Variants in DIS3L2 observed in about 807,000 individuals in gnomAD.
DIS3L2 encodes the protein DIS3-like exonuclease 2.
A neutral mutation model predicts 97.5 loss-of-function variants in DIS3L2; 34 were observed. The observed-to-expected ratio is 0.35, with a 90% CI of 0.27 to 0.46. DIS3L2 has a LOEUF of 0.46. Among genes scored for constraint, DIS3L2 ranks in the 20% least tolerant of loss-of-function variants. The pLI is 1.00. For missense variants in DIS3L2, 1,038 were observed against 1,146.0 expected (o/e 0.91, Z 1.36); for synonymous variants, 435 against 445.2 (o/e 0.98, Z 0.29).
chr2:231,965,143 A>G (rs927582559), intron 1 of DIS3L2, among the ~76,000 whole-genome samples: 1 of 152,272 alleles, frequency 6.6e-6, no homozygotes, highest in East Asian at 1.9e-4. Flanking sequence ...TGCCACTTAG[A>G]GTTTCTTTGC....
Position 232,337,138 on chromosome 2 carries a change from G to C in DIS3L2, c.*508G>C. 3 of 1,009,956 alleles carry C rather than the reference G, an allele frequency of 3.0e-6. No homozygotes were observed. Among genetic ancestry groups the C allele is most frequent in the Non-Finnish European group, 3.5e-6 (3 of 847,200 alleles). The allele number at this position is 1,009,956 out of a possible 1,614,324, so 62.6% of individuals were successfully genotyped here. On this transcript the variant is annotated 3_prime_UTR_variant, in exon 21 of 21. Transcript: ENST00000325385. The stretch of plus-strand genomic sequence containing the variant: ...ACGATTCAGAGCTGGCTGCCTGGCA[G>C]ATGATTGATACTGGAGTCTCATTCT...
At chr2:232,066,607 C>T (rs1695862709) in intron 5 of DIS3L2, among the ~76,000 whole-genome samples, 1 of 151,988 alleles carries the variant, frequency 6.6e-6, no homozygotes, top group South Asian at 2.1e-4. Flanking sequence ...AATGTTTCCT[C>T]TTCCCCTATA....
intron 12 of DIS3L2, among the ~76,000 whole-genome samples, chr2:232,258,081 T>G (rs1693613489): frequency 6.6e-6 from 1 of 152,214 alleles, no homozygotes; most frequent in Admixed American, 6.5e-5. Context: ...TTAGACTACT[T>G]CCGGTCTTAC....
chr2:232,235,548 C>T (rs1171252086), intron 10 of DIS3L2, among the ~76,000 whole-genome samples: 1 of 152,116 alleles, frequency 6.6e-6, no homozygotes, highest in East Asian at 1.9e-4. Context: ...TTTTGATTGG[C>T]CTTCTTCATA....
At chr2:232,181,242 A>G (rs1042828740) in intron 9 of DIS3L2, among the ~76,000 whole-genome samples, 1 of 151,312 alleles carries the variant, frequency 6.6e-6, no homozygotes, top group Non-Finnish European at 1.5e-5. Context: ...GCTGCCCTTA[A>G]CATTTTTTCC....
chr2:232,186,809 ATTAAT>A lies in DIS3L2; in HGVS notation c.1124+23182_1124+23186del, dbSNP rs1691449899. On this transcript the variant is annotated intron_variant, in intron 9 of 20. Transcript: ENST00000325385. ...ACCAATTAATGTATCATGTGTACAA[ATTAAT>A]TTAAAGTGGATCGTAGACCTGAATG... is the stretch of plus-strand genomic sequence containing the variant. Among the ~76,000 whole-genome samples the A allele has an allele frequency of 2.0e-5, 3 of 152,250 alleles. No individual in the cohort carries two copies. In the South Asian group the frequency reaches 6.2e-4, roughly 31 times the overall value.
At chr2:232,124,008 C>A (rs572329921) in intron 6 of DIS3L2, among the ~76,000 whole-genome samples, 1 of 152,292 alleles carries the variant, frequency 6.6e-6, no homozygotes, top group South Asian at 2.1e-4. Context: ...GTTTCTTCAA[C>A]CTAGGCCTCA....
At chr2:232,310,501 G>A (rs933671490) in intron 14 of DIS3L2, among the ~76,000 whole-genome samples, 7 of 152,238 alleles carry the variant, frequency 4.6e-5, no homozygotes, top group African/African-American at 1.7e-4. Flanking sequence ...AGGGATGGCC[G>A]TGGCTCTCTA....
chr2:232,289,114 C>T (rs1694528381), intron 13 of DIS3L2, among the ~76,000 whole-genome samples: 1 of 151,960 alleles, frequency 6.6e-6, no homozygotes, highest in Non-Finnish European at 1.5e-5. Context: ...CAAACCCCAT[C>T]GAACATTGAG....
At chr2:232,143,125 C>T (rs1346941167) in intron 8 of DIS3L2, among the ~76,000 whole-genome samples, 1 of 152,112 alleles carries the variant, frequency 6.6e-6, no homozygotes, top group Non-Finnish European at 1.5e-5. Flanking sequence ...TTCCTGTTTT[C>T]TTTAAGGCAA....
At chr2:232,097,139 C>T (rs577991771) in intron 6 of DIS3L2, among the ~76,000 whole-genome samples, 2 of 152,228 alleles carry the variant, frequency 1.3e-5, no homozygotes, top group South Asian at 4.1e-4. Context: ...TACCACAAGC[C>T]CAGTAACACT....
At chr2:232,072,132 G>A (rs1696037399) in intron 5 of DIS3L2, among the ~76,000 whole-genome samples, 1 of 152,130 alleles carries the variant, frequency 6.6e-6, no homozygotes, top group Admixed American at 6.6e-5. Context: ...TGAGGGGAAG[G>A]ACCAGAGTGC....
Position 232,008,189 on chromosome 2 carries a change from CT to C in DIS3L2, c.-93-6628del, listed in dbSNP as rs35011144. Among the ~76,000 whole-genome samples, 862 of 127,718 alleles carry C rather than the reference CT, an allele frequency of 6.7e-3. 6 individuals are homozygous for C. The highest frequency in any genetic ancestry group is 0.012 in the Middle Eastern group (3 of 248). The allele number at this position is 127,718 out of a possible 152,430, so 83.8% of individuals were successfully genotyped here. A position where few individuals can be genotyped will look rare whatever the true frequency, so the allele number is the denominator to read the frequency against. On this transcript the variant is annotated intron_variant, in intron 1 of 20. Coordinates refer to ENST00000325385, the MANE Select transcript of DIS3L2 (RefSeq NM_152383.5). Reference sequence around the variant, plus strand: ...CACCATGTCCATCTAATTTTTTGTACTTTTTTTTTTTTTTTTTTAATAGGGT... The same window carrying C: ...CACCATGTCCATCTAATTTTTTGTACTTTTTTTTTTTTTTTTTAATAGGGT...
chr2:232,165,099 G>A (rs925665133), intron 9 of DIS3L2, among the ~76,000 whole-genome samples: 1 of 152,162 alleles, frequency 6.6e-6, no homozygotes, highest in Non-Finnish European at 1.5e-5. Flanking sequence ...GTACAAGAAT[G>A]TTCATTGCTG....
intron 5 of DIS3L2, among the ~76,000 whole-genome samples, chr2:232,051,429 T>C (rs1266124231): frequency 6.6e-6 from 1 of 152,180 alleles, no homozygotes; most frequent in Non-Finnish European, 1.5e-5. Context: ...TTGTTTATTG[T>C]GATGTAAACT....
chr2:232,296,563 T>G (rs1416627004), intron 13 of DIS3L2, among the ~76,000 whole-genome samples: 2 of 152,188 alleles, frequency 1.3e-5, no homozygotes, highest in Admixed American at 1.3e-4. Flanking sequence ...TGTGCTGTTC[T>G]CGTGGTAGTG....
rs533304575 is a variant in DIS3L2, at chr2:232,148,196, C to T, written c.950+11477C>T. Among the ~76,000 whole-genome samples the T allele has an allele frequency of 3.9e-3, 591 of 152,022 alleles. 3 individuals carry two copies. Among genetic ancestry groups the T allele is most frequent in the African/African-American group, 0.013 (557 of 41,488 alleles). ...TCCCAAGTAACTGAGATTACAGGTGCGCACCATCATGCCCAGCAATTTTTA... is the reference window on the plus strand; with the variant it reads ...TCCCAAGTAACTGAGATTACAGGTGTGCACCATCATGCCCAGCAATTTTTA... On this transcript the variant is annotated intron_variant, in intron 8 of 20. Transcript: ENST00000325385.
At chr2:232,165,065 T>G (rs1276562084) in intron 9 of DIS3L2, among the ~76,000 whole-genome samples, 2 of 152,226 alleles carry the variant, frequency 1.3e-5, no homozygotes, top group African/African-American at 4.8e-5. Flanking sequence ...CCCCAAACTC[T>G]ACTCGAAGTG....
intron 1 of DIS3L2, among the ~76,000 whole-genome samples, chr2:232,000,304 CTG>C (rs1693840707): frequency 6.6e-6 from 1 of 152,144 alleles, no homozygotes; most frequent in Admixed American, 6.5e-5. Context: ...AGAGAGATGA[CTG>C]TATACAATAT....
Sources: allele counts gnomAD v4.1 joint callset (sites outside exome capture counted in the v4.1 genomes callset), GRCh38; gene constraint gnomAD v4.1.1; transcripts MANE v1.5; gene names NCBI Gene and HGNC (gene_info 2026-07-23, HGNC 2026-07-21).